The following FZD6 variants were observed in gnomAD, a reference collection of about 807,000 sequenced individuals.
The protein encoded by FZD6 is frizzled class receptor 6.
Under a neutral mutation model 61.4 loss-of-function variants are expected in FZD6, and 49 were observed. The ratio of observed to expected loss-of-function variants is 0.80; its 90% CI spans 0.63 to 1.01. FZD6 has a LOEUF of 1.01. FZD6 is among the 50% of genes least tolerant of loss of function. The pLI is 0.00. For synonymous variants in FZD6, 265 were observed against 292.2 expected (o/e 0.91, Z 0.95); for missense variants, 724 against 848.2 (o/e 0.85, Z 1.82).
At chr8:103,330,414 G>T (rs1429654889) in intron 6 of FZD6, among the ~76,000 whole-genome samples, 1 of 152,084 alleles carries the variant, frequency 6.6e-6, no homozygotes, top group African/African-American at 2.4e-5. Flanking sequence ...AAATTATAAT[G>T]TGTCATTTTA....
chr8:103,299,262 C>T (rs1291658635), intron 1 of FZD6, among the ~76,000 whole-genome samples: 1 of 152,196 alleles, frequency 6.6e-6, no homozygotes, highest in African/African-American at 2.4e-5. Flanking sequence ...GGGTGTGGGG[C>T]GCTGGCGGAC....
Position 103,330,085 on chromosome 8 carries a change from A to G in FZD6, c.1952+20A>G, listed in dbSNP as rs1462039092. The G allele has an allele frequency of 6.3e-7, 1 of 1,598,818 alleles. No individual in the cohort carries two copies. Among genetic ancestry groups the G allele is most frequent in the Admixed American group, 1.7e-5 (1 of 60,014 alleles). Reference sequence around the variant, plus strand: ...AGGAAGGTGAGATTTGATTTTATGTAAAATCATCACTATTTTAAATACTGC... The same window carrying G: ...AGGAAGGTGAGATTTGATTTTATGTGAAATCATCACTATTTTAAATACTGC... On this transcript the variant is annotated intron_variant, in intron 6 of 6. Transcript: ENST00000358755.
intron 2 of FZD6, among the ~76,000 whole-genome samples, chr8:103,308,897 C>T (rs1427020624): frequency 1.3e-5 from 2 of 152,144 alleles, no homozygotes; most frequent in African/African-American, 2.4e-5. Context: ...GGTTAATCTC[C>T]TCATCTGCAC....
At position 103,324,672 on chromosome 8, in the gene FZD6, A is replaced by G; in HGVS notation, c.566A>G (p.Tyr189Cys). The G allele has an allele frequency of 6.2e-7, 1 of 1,614,140 alleles. No individual in the cohort carries two copies. Among genetic ancestry groups the G allele is most frequent in the Admixed American group, 1.7e-5 (1 of 60,012 alleles). ...TGTGCGCCTCCATGCCCCAACATGT[A>G]TTTTAAAAGTGATGAGCTAGAGTTT... ...DQCAPPCPNM[Y>C]FKSDELEFAK... The change falls in exon 4 of 7, where the codon TAT becomes TGT. Residue 189 changes from tyrosine (Y) to cysteine (C), a missense_variant. Physicochemically the swap from Tyr to Cys is radical, Grantham distance 194. Coordinates refer to ENST00000358755, the MANE Select transcript of FZD6 (RefSeq NM_003506.4).
chr8:103,323,459 G>C (rs1015230127), intron 3 of FZD6, among the ~76,000 whole-genome samples: 2 of 147,822 alleles, frequency 1.4e-5, no homozygotes, highest in African/African-American at 5.0e-5. Flanking sequence ...TTGAGACAGA[G>C]TCTCTCTGTC....
intron 2 of FZD6, among the ~76,000 whole-genome samples, chr8:103,311,330 T>A (rs1814490361): frequency 6.6e-6 from 1 of 152,164 alleles, no homozygotes; most frequent in African/African-American, 2.4e-5. Flanking sequence ...TTAGATTAGG[T>A]GCCTATGTTT....
At position 103,331,397 on chromosome 8, in the gene FZD6, A is replaced by G. The variant is rs1279797675; in HGVS notation, c.2009A>G (p.Gln670Arg). ...DTGLAQSNNL[Q>R]VPSSSEPSSL... ...GGCCTGGCACAGAGCAACAATTTGC[A>G]GGTCCCCAGTTCTTCAGAACCAAGC... The change falls in exon 7 of 7, where the codon CAG (glutamine) becomes CGG (arginine). Residue 670 changes from glutamine (Q) to arginine (R), a missense_variant. Coordinates refer to ENST00000358755, the MANE Select transcript of FZD6 (RefSeq NM_003506.4). The G allele has an allele frequency of 6.2e-7, 1 of 1,610,828 alleles. No individual in the cohort carries two copies. The highest frequency in any genetic ancestry group is 1.1e-5 in the South Asian group (1 of 91,004).
Position 103,328,256 on chromosome 8 carries a change from T to A in FZD6, c.1393-12T>A, listed in dbSNP as rs764239004. The A allele has an allele frequency of 6.3e-7, 1 of 1,598,020 alleles. No individual in the cohort carries two copies. Among genetic ancestry groups the A allele is most frequent in the South Asian group, 1.1e-5 (1 of 90,732 alleles). The stretch of plus-strand genomic sequence containing the variant: ...CATCACTGAAAATATTATTATTCAC[T>A]ATTTTTTGTAGGCAAAAGCAAAAGC... On this transcript the variant is annotated splice_polypyrimidine_tract_variant and intron_variant, in intron 4 of 6. Transcript: ENST00000358755.
At chr8:103,309,593 G>A (rs1266811525) in intron 2 of FZD6, among the ~76,000 whole-genome samples, 1 of 152,080 alleles carries the variant, frequency 6.6e-6, no homozygotes, top group Non-Finnish European at 1.5e-5. Flanking sequence ...TTTTTGTTTG[G>A]CCCCTACCAT....
intron 2 of FZD6, among the ~76,000 whole-genome samples, chr8:103,308,586 T>C (rs560444021): frequency 6.6e-6 from 1 of 152,326 alleles, no homozygotes; most frequent in South Asian, 2.1e-4. Context: ...TGTTTCTTCA[T>C]GAGTCATTTG....
At chr8:103,315,206 A>G (rs1814596136) in intron 2 of FZD6, among the ~76,000 whole-genome samples, 1 of 152,056 alleles carries the variant, frequency 6.6e-6, no homozygotes, top group Non-Finnish European at 1.5e-5. Context: ...CACTCTACTT[A>G]TTCTCCTTAG....
chr8:103,330,632 G>T (rs1057474926), intron 6 of FZD6, among the ~76,000 whole-genome samples: 4 of 152,112 alleles, frequency 2.6e-5, no homozygotes, highest in African/African-American at 9.7e-5. Context: ...CATATATTTG[G>T]ATTGTAATTA....
chr8:103,314,375 CAA>C (rs1302446569), intron 2 of FZD6, among the ~76,000 whole-genome samples: 2 of 152,056 alleles, frequency 1.3e-5, no homozygotes, highest in Non-Finnish European at 2.9e-5. Flanking sequence ...GGACAGTAAA[CAA>C]AGAGTTTACC....
chr8:103,321,332 C>T (rs925747666), intron 3 of FZD6, among the ~76,000 whole-genome samples: 3 of 152,162 alleles, frequency 2.0e-5, no homozygotes, highest in Admixed American at 2.0e-4. Context: ...CCATTAACAT[C>T]CTTTTATACA....
Position 103,331,534 on chromosome 8 carries a change from A to G in FZD6, c.*25A>G. The G allele has an allele frequency of 6.5e-7, 1 of 1,537,824 alleles. No individual in the cohort carries two copies. Among genetic ancestry groups the G allele is most frequent in the South Asian group, 1.1e-5 (1 of 89,442 alleles). The stretch of plus-strand genomic sequence containing the variant: ...AAGAACATTTTCTCTCGTTACTCAG[A>G]AGCAAATTTGTGTTACACTGGAAGT... On this transcript the variant is annotated 3_prime_UTR_variant, in exon 7 of 7. Coordinates refer to ENST00000358755, the MANE Select transcript of FZD6 (RefSeq NM_003506.4).
At chr8:103,328,999 AATTCATTT>A (rs1815039362) in intron 5 of FZD6, among the ~76,000 whole-genome samples, 3 of 124,486 alleles carry the variant, frequency 2.4e-5, no homozygotes, top group African/African-American at 9.4e-5. Flanking sequence ...ATTTATGAGT[AATTCATTT>A]TAGTTTTATA....
intron 2 of FZD6, among the ~76,000 whole-genome samples, chr8:103,317,296 A>G (rs910588240): frequency 2.0e-5 from 3 of 152,264 alleles, no homozygotes; most frequent in Non-Finnish European, 2.9e-5. Flanking sequence ...AACTGGAGAC[A>G]TAGCGGGGAA....
At chr8:103,300,987 A>G (rs1191206933) in intron 2 of FZD6, among the ~76,000 whole-genome samples, 1 of 152,188 alleles carries the variant, frequency 6.6e-6, no homozygotes, top group Non-Finnish European at 1.5e-5. Context: ...CTTCCCATAC[A>G]GATTTGTTAG....
chr8:103,313,430 A>G (rs1041865476), intron 2 of FZD6, among the ~76,000 whole-genome samples: 2 of 152,180 alleles, frequency 1.3e-5, no homozygotes, highest in East Asian at 1.9e-4. Flanking sequence ...TGGTTTTCCA[A>G]TTGTGATCTC....
Sources: gnomAD v4.1 joint callset for allele counts (sites outside exome capture counted in the v4.1 genomes callset) on GRCh38, gnomAD v4.1.1 for gene constraint, MANE v1.5 for transcripts, NCBI Gene and HGNC (gene_info 2026-07-23, HGNC 2026-07-21) for gene names.